ENAH: variants seen among roughly 807,000 people sequenced by gnomAD.
ENAH encodes ENAH actin regulator.
Under a neutral mutation model 78.7 loss-of-function variants are expected in ENAH, and 23 were observed. That is an observed-to-expected ratio of 0.29 (90% CI 0.21 to 0.41). ENAH has a LOEUF of 0.41. ENAH is among the 10% of genes least tolerant of loss of function. The pLI is 1.00. For synonymous variants in ENAH, 226 were observed against 241.0 expected (o/e 0.94, Z 0.58); for missense variants, 544 against 691.0 (o/e 0.79, Z 2.39).
intron 1 of ENAH, among the ~76,000 whole-genome samples, chr1:225,646,350 TGAG>T (rs527628773): frequency 2.1e-4 from 32 of 152,140 alleles, no homozygotes; most frequent in East Asian, 1.7e-3. Context: ...CCTTATGAAA[TGAG>T]GAGGAGAGAG....
chr1:225,580,296 G>A (rs2096809453), intron 1 of ENAH: 1 of 151,894 alleles, frequency 6.6e-6, no homozygotes, highest in South Asian at 2.1e-4. Flanking sequence ...GCCCACACGA[G>A]ACAATTATCA....
Position 225,492,641 on chromosome 1 carries a change from T to C in ENAH, c.*5134A>G, listed in dbSNP as rs1193480185. ...GGCTTCATCTTTGATTTTTTCTGCATGTTAATCTGCAAATACTCAAGGCCT... is the reference window on the plus strand; with the variant it reads ...GGCTTCATCTTTGATTTTTTCTGCACGTTAATCTGCAAATACTCAAGGCCT... On this transcript the variant is annotated 3_prime_UTR_variant, in exon 14 of 14. Coordinates refer to ENST00000366843, the MANE Select transcript of ENAH (RefSeq NM_018212.6). 2.6e-5 allele frequency: 4 copies of C among 152,210 alleles called. No individual in the cohort carries two copies. Among genetic ancestry groups the C allele is most frequent in the Non-Finnish European group, 4.4e-5 (3 of 68,040 alleles). 9.4% of individuals were successfully genotyped at this position (152,210 alleles called of 1,614,324 possible). A position where few individuals can be genotyped will look rare whatever the true frequency, so the allele number is the denominator to read the frequency against.
intron 1 of ENAH, among the ~76,000 whole-genome samples, chr1:225,608,209 T>C (rs1391485775): frequency 1.5e-5 from 1 of 64,718 alleles, no homozygotes; most frequent in South Asian, 4.0e-4. Context: ...GGAGTTGGAA[T>C]ATAAAAAACA....
At chr1:225,571,138 G>A in intron 1 of ENAH, among the ~76,000 whole-genome samples, 1 of 151,740 alleles carries the variant, frequency 6.6e-6, no homozygotes, top group Non-Finnish European at 1.5e-5. Flanking sequence ...CAGCACTTTG[G>A]GAGGCCAAGG....
chr1:225,610,046 T>A (rs1453503001), intron 1 of ENAH, among the ~76,000 whole-genome samples: 1 of 152,094 alleles, frequency 6.6e-6, no homozygotes, highest in East Asian at 1.9e-4. Context: ...AAAAATTAAA[T>A]TTTTAAATCA....
chr1:225,580,461 C>G (rs1382663117), intron 1 of ENAH, among the ~76,000 whole-genome samples: 1 of 152,092 alleles, frequency 6.6e-6, no homozygotes, highest in Non-Finnish European at 1.5e-5. Flanking sequence ...ATGAAAGACC[C>G]TGAGCTAGAG....
chr1:225,577,001 G>A (rs958995678), intron 1 of ENAH, among the ~76,000 whole-genome samples: 2 of 152,110 alleles, frequency 1.3e-5, no homozygotes, highest in Non-Finnish European at 1.5e-5. Context: ...TGGGCAGGGT[G>A]GCAGGCACGT....
At chr1:225,615,151 T>A (rs2097018757) in intron 1 of ENAH, among the ~76,000 whole-genome samples, 1 of 152,254 alleles carries the variant, frequency 6.6e-6, no homozygotes, top group Admixed American at 6.5e-5. Context: ...TGCCTGATTC[T>A]CCTGCCTCAG....
At chr1:225,627,089 A>T (rs1405196143) in intron 1 of ENAH, among the ~76,000 whole-genome samples, 1 of 152,236 alleles carries the variant, frequency 6.6e-6, no homozygotes, top group Non-Finnish European at 1.5e-5. Context: ...TGGGCTCTAC[A>T]GTTTACAAAA....
chr1:225,541,567 A>C (rs1034742859), intron 3 of ENAH, among the ~76,000 whole-genome samples: 2 of 152,208 alleles, frequency 1.3e-5, no homozygotes, highest in Non-Finnish European at 1.5e-5. Flanking sequence ...AGCTCGATAA[A>C]GCTGTTACGG....
chr1:225,604,544 G>A (rs533259982), intron 1 of ENAH, among the ~76,000 whole-genome samples: 3 of 151,586 alleles, frequency 2.0e-5, no homozygotes, highest in African/African-American at 7.3e-5. Context: ...AGCACTTTAG[G>A]AGGCCGAGGC....
At chr1:225,500,245 G>A (rs956541420) in intron 12 of ENAH, among the ~76,000 whole-genome samples, 4 of 152,164 alleles carry the variant, frequency 2.6e-5, no homozygotes, top group Non-Finnish European at 5.9e-5. Flanking sequence ...CACCTCTTCT[G>A]TGAATAAGGT....
chr1:225,499,340 C>A (rs2151030250), intron 12 of ENAH, among the ~76,000 whole-genome samples: 1 of 151,940 alleles, frequency 6.6e-6, no homozygotes, highest in Admixed American at 6.6e-5. Flanking sequence ...CCACATTATA[C>A]TTCTATTTAA....
chr1:225,541,372 T>C (rs1277976617), intron 3 of ENAH, among the ~76,000 whole-genome samples: 1 of 151,838 alleles, frequency 6.6e-6, no homozygotes, highest in Non-Finnish European at 1.5e-5. Flanking sequence ...GAGGCGGAGG[T>C]TGCAGTGAGC....
intron 1 of ENAH, among the ~76,000 whole-genome samples, chr1:225,620,589 A>G (rs1337205650): frequency 6.6e-6 from 1 of 152,132 alleles, no homozygotes; most frequent in Non-Finnish European, 1.5e-5. Context: ...GGGATACTTG[A>G]TTCATTCTTG....
intron 3 of ENAH, chr1:225,535,634 A>G: frequency 1.2e-6 from 1 of 816,900 alleles, no homozygotes; most frequent in South Asian, 1.5e-5. Context: ...CACATAAACT[A>G]AAAGGTGCTT....
intron 1 of ENAH, among the ~76,000 whole-genome samples, chr1:225,586,062 A>T (rs987833093): frequency 1.3e-5 from 2 of 151,626 alleles, no homozygotes; most frequent in Non-Finnish European, 2.9e-5. Flanking sequence ...AAAAAATTTT[A>T]AAAATTGGCC....
intron 5 of ENAH, chr1:225,517,592 G>A (rs1259426157): frequency 6.4e-7 from 1 of 1,551,250 alleles, no homozygotes; most frequent in South Asian, 1.2e-5. Context: ...TTGCCTGGGG[G>A]GCTGCTAATC....
chr1:225,580,887 C>T (rs1004502249), intron 1 of ENAH, among the ~76,000 whole-genome samples: 1 of 128,606 alleles, frequency 7.8e-6, no homozygotes, highest in Admixed American at 9.9e-5. Flanking sequence ...GGCAACAGGG[C>T]GAGACTCTGT....
Sources: allele counts gnomAD v4.1 joint callset (sites outside exome capture counted in the v4.1 genomes callset), GRCh38; gene constraint gnomAD v4.1.1; transcripts MANE v1.5; gene names NCBI Gene and HGNC (gene_info 2026-07-23, HGNC 2026-07-21).